The following UGT1A10 variants were observed in gnomAD, a reference collection of about 807,000 sequenced individuals.
UGT1A10 encodes the protein UDP-glucuronosyltransferase 1A10.
Under a neutral mutation model 45.8 loss-of-function variants are expected in UGT1A10, and 49 were observed. The ratio of observed to expected loss-of-function variants is 1.07; its 90% confidence interval spans 0.85 to 1.36. The LOEUF (loss-of-function observed/expected upper bound fraction) is 1.36. Among genes scored for constraint, UGT1A10 ranks in the 40% most tolerant of loss-of-function variants. The pLI is 0.00. For synonymous variants in UGT1A10, 284 were observed against 249.7 expected, an observed-to-expected ratio of 1.14 and a Z score of -1.29; for missense variants, 745 against 668.6, an observed-to-expected ratio of 1.11 and a Z score of -1.26.
intron 1 of UGT1A10, chr2:233,719,790 T>C (rs189931898): frequency 6.2e-7 from 1 of 1,608,848 alleles, no homozygotes; most frequent in East Asian, 2.2e-5. Flanking sequence ...TTTCCAAAGA[T>C]TTTATTTTGG....
chr2:233,657,553 T>C (rs1338466480), intron 1 of UGT1A10, among the ~76,000 whole-genome samples: 1 of 152,188 alleles, frequency 6.6e-6, no homozygotes, highest in East Asian at 1.9e-4. Context: ...ACTAGGTCAT[T>C]TGTGAGAGAT....
intron 1 of UGT1A10, among the ~76,000 whole-genome samples, chr2:233,646,969 A>G (rs1316656327): frequency 1.3e-5 from 2 of 152,234 alleles, no homozygotes; most frequent in Non-Finnish European, 2.9e-5. Flanking sequence ...TACAAAAGAC[A>G]GAGGTTTAAT....
At chr2:233,721,171 T>A (rs2076925263) in intron 1 of UGT1A10, among the ~76,000 whole-genome samples, 1 of 152,236 alleles carries the variant, frequency 6.6e-6, no homozygotes, top group South Asian at 2.1e-4. Context: ...ATTTTTGTTT[T>A]TGATCAAACC....
chr2:233,725,264 GGAGGCA>G lies in UGT1A10; in HGVS notation c.856-41722_856-41717del, dbSNP rs551912265. ...CAGAGGCAGAGGAGGCAGAGGCAGA[GGAGGCA>G]GAGGCAGAGGCAGAGGCAGAGGCAG... On this transcript the variant is annotated intron_variant, in intron 1 of 4. Transcript: ENST00000344644. Among the ~76,000 whole-genome samples, 500 of 58,540 alleles carry G rather than the reference GGAGGCA, an allele frequency of 8.5e-3. 122 individuals carry two copies. Among genetic ancestry groups the G allele is most frequent in the East Asian group, 0.035 (117 of 3,306 alleles). 38.4% of individuals were successfully genotyped at this position (58,540 alleles called of 152,430 possible). A position where few individuals can be genotyped will look rare whatever the true frequency, so the allele number is the denominator to read the frequency against.
chr2:233,754,850 A>C (rs1172788240), intron 1 of UGT1A10: 1 of 1,345,454 alleles, frequency 7.4e-7, no homozygotes, highest in African/African-American at 1.5e-5. Context: ...AGGCAGAGAA[A>C]AGGGGTGCAG....
chr2:233,650,270 A>G (rs1047414045), intron 1 of UGT1A10, among the ~76,000 whole-genome samples: 2 of 152,160 alleles, frequency 1.3e-5, no homozygotes, highest in African/African-American at 4.8e-5. Context: ...GTACCTGGCC[A>G]AGGTCTGGAT....
rs879478240 is a variant in UGT1A10 at position 233,725,179 on chromosome 2, GAGAGGC to G, written c.856-41819_856-41814del. Among the ~76,000 whole-genome samples the G allele has an allele frequency of 4.9e-3, 330 of 67,596 alleles. 71 individuals are homozygous for G. The highest frequency in any genetic ancestry group is 0.014 in the Middle Eastern group (2 of 144). 44.3% of individuals were successfully genotyped at this position (67,596 alleles called of 152,430 possible). On this transcript the variant is annotated intron_variant, in intron 1 of 4. Transcript: ENST00000344644. Reference sequence around the variant, plus strand: ...CTCTGCATGAGAGGGAGACCGTGGGGAGAGGCAGAGGCAGAGGCAGAGGCAGAGGCA... The same window carrying G: ...CTCTGCATGAGAGGGAGACCGTGGGGAGAGGCAGAGGCAGAGGCAGAGGCA...
chr2:233,647,658 T>A (rs2073638568), intron 1 of UGT1A10, among the ~76,000 whole-genome samples: 1 of 152,212 alleles, frequency 6.6e-6, no homozygotes, highest in South Asian at 2.1e-4. Flanking sequence ...TCCATCTAAG[T>A]TGTAGATTTT....
At chr2:233,695,871 C>T (rs182203911) in intron 1 of UGT1A10, among the ~76,000 whole-genome samples, 133 of 152,210 alleles carry the variant, frequency 8.7e-4, no homozygotes, top group Non-Finnish European at 1.8e-3. Flanking sequence ...CAACAAACAA[C>T]GCAGAAAACT....
chr2:233,682,788 C>T (rs757573093), intron 1 of UGT1A10: 1 of 1,611,896 alleles, frequency 6.2e-7, no homozygotes, highest in African/African-American at 1.3e-5. Context: ...AAGCCAGTGC[C>T]TATGGTAAGT....
At chr2:233,726,222 A>G (rs532622558) in intron 1 of UGT1A10, among the ~76,000 whole-genome samples, 1 of 152,320 alleles carries the variant, frequency 6.6e-6, no homozygotes, top group East Asian at 1.9e-4. Flanking sequence ...TTTAGAAAAC[A>G]TTTTTTAAAA....
At chr2:233,735,606 C>T (rs567993931) in intron 1 of UGT1A10, among the ~76,000 whole-genome samples, 14 of 152,270 alleles carry the variant, frequency 9.2e-5, no homozygotes, top group African/African-American at 2.6e-4. Context: ...TTCACAGCAT[C>T]GATAGTCTTT....
chr2:233,726,801 T>G (rs2077562254), intron 1 of UGT1A10, among the ~76,000 whole-genome samples: 1 of 152,218 alleles, frequency 6.6e-6, no homozygotes, highest in Non-Finnish European at 1.5e-5. Context: ...ATTCAAGGCT[T>G]GGAGGTTTTC....
intron 1 of UGT1A10, among the ~76,000 whole-genome samples, chr2:233,659,454 A>G (rs2073923108): frequency 6.6e-6 from 1 of 152,224 alleles, no homozygotes; most frequent in Admixed American, 6.5e-5. Flanking sequence ...GAAAATTTTA[A>G]GGTTTGAGAA....
intron 1 of UGT1A10, among the ~76,000 whole-genome samples, chr2:233,766,240 CT>C (rs1055344910): frequency 2.0e-5 from 3 of 151,920 alleles, no homozygotes; most frequent in African/African-American, 7.3e-5. Flanking sequence ...AGGGTTTCCC[CT>C]GGAGTCAGAC....
In UGT1A10 at chr2:233,672,606, C is replaced by A. The variant is rs1440159902; in HGVS notation, c.855+35229C>A. The A allele has an allele frequency of 6.2e-6, 10 of 1,613,626 alleles. No homozygotes were observed. On this transcript the variant is annotated intron_variant, in intron 1 of 4. Coordinates refer to ENST00000344644, the MANE Select transcript of UGT1A10 (RefSeq NM_019075.4). ...AACATTTATTATGCCACCGTTTTTT[C>A]AAAAATGCCCTAGAAATAGCCTCTG...
intron 1 of UGT1A10, chr2:233,729,145 G>T (rs564123639): frequency 1.9e-6 from 3 of 1,613,372 alleles, no homozygotes; most frequent in Non-Finnish European, 2.5e-6. Flanking sequence ...AGGACTCCAG[G>T]TTCCCCTGCC....
intron 1 of UGT1A10, among the ~76,000 whole-genome samples, chr2:233,652,019 G>A (rs530712220): frequency 6.6e-6 from 1 of 152,184 alleles, no homozygotes; most frequent in Non-Finnish European, 1.5e-5. Context: ...TCACTGCCAG[G>A]CTTTTTTAGT....
chr2:233,769,637 G>A lies in UGT1A10; in HGVS notation c.1295+1198G>A. The A allele has an allele frequency of 6.2e-7, 1 of 1,610,100 alleles. No individual in the cohort carries two copies. Among genetic ancestry groups the A allele is most frequent in the Non-Finnish European group, 8.5e-7 (1 of 1,178,598 alleles). On this transcript the variant is annotated intron_variant, in intron 4 of 4. Transcript: ENST00000344644. This position sits in a 1 kb window ranked among gnomAD's most constrained non-coding sequence, Gnocchi z 4.4. ...GCTTGAGCAAGGGACAACAGGGGAG[G>A]ACTGATGACTGACTTCCCACCTTTG... is the stretch of plus-strand genomic sequence containing the variant.
Sources: gnomAD v4.1 joint callset for allele counts (sites outside exome capture counted in the v4.1 genomes callset) on GRCh38, gnomAD v4.1.1 for gene constraint, Gnocchi (gnomAD v3.1) non-coding constraint, MANE v1.5 for transcripts, NCBI Gene and HGNC (gene_info 2026-07-23, HGNC 2026-07-21) for gene names.